HIVEP3: variants seen among roughly 807,000 people sequenced by gnomAD.
HIVEP3 encodes the protein HIVEP zinc finger 3.
HIVEP3 carries 49 observed loss-of-function variants against 152.8 expected under a neutral mutation model. The observed-to-expected ratio is 0.32, with a 90% CI of 0.26 to 0.41. The LOEUF (loss-of-function observed/expected upper bound fraction) is 0.41, where lower values mean the gene tolerates loss of function less well. HIVEP3 is among the 10% of genes least tolerant of loss of function. The probability of loss-of-function intolerance (pLI) is 1.00; values close to 1 mark genes in which losing one functional copy is unlikely to be tolerated. For synonymous variants in HIVEP3, 1,269 were observed against 1,289.0 expected (o/e 0.98, Z 0.33); for missense variants, 2,790 against 3,103.3 (o/e 0.90, Z 2.40).
intron 5 of HIVEP3, among the ~76,000 whole-genome samples, chr1:41,557,684 G>A (rs1643989009): frequency 6.6e-6 from 1 of 152,048 alleles, no homozygotes; most frequent in Non-Finnish European, 1.5e-5. Context: ...GGGGTGGGGG[G>A]CAGAGGGGCA....
intron 6 of HIVEP3, among the ~76,000 whole-genome samples, chr1:41,522,818 T>A (rs996456980): frequency 6.6e-6 from 1 of 152,208 alleles, no homozygotes; most frequent in African/African-American, 2.4e-5. Context: ...AGTGATGGTT[T>A]CCTGAGGCGA....
intron 1 of HIVEP3, among the ~76,000 whole-genome samples, chr1:41,799,941 C>T (rs1650208425): frequency 6.6e-6 from 1 of 152,076 alleles, no homozygotes; most frequent in Admixed American, 6.6e-5. Flanking sequence ...CAGCATTACT[C>T]AGGCCAATCA....
intron 5 of HIVEP3, among the ~76,000 whole-genome samples, chr1:41,545,056 T>TAC (rs1643704825): frequency 4.0e-5 from 1 of 25,260 alleles, no homozygotes. Flanking sequence ...ACCACCACCA[T>TAC]CACTACCACC....
At chr1:41,924,099 C>A (rs1182943441) in intron 1 of HIVEP3, among the ~76,000 whole-genome samples, 1 of 152,048 alleles carries the variant, frequency 6.6e-6, no homozygotes, top group African/African-American at 2.4e-5. Flanking sequence ...TCCAGGAGGG[C>A]CCTAAATGAA....
intron 1 of HIVEP3, among the ~76,000 whole-genome samples, chr1:41,755,208 T>C (rs1167337025): frequency 1.3e-5 from 2 of 152,122 alleles, no homozygotes; most frequent in African/African-American, 2.4e-5. Flanking sequence ...GAAGGAAGCA[T>C]AGTTTTTTTT....
intron 1 of HIVEP3, among the ~76,000 whole-genome samples, chr1:41,701,421 T>C (rs186098188): frequency 1.5e-4 from 23 of 152,350 alleles, no homozygotes; most frequent in African/African-American, 5.5e-4. Flanking sequence ...TAGGTGTTGG[T>C]ATCAGGTCCT....
chr1:41,710,401 C>T (rs1307065181), intron 1 of HIVEP3, among the ~76,000 whole-genome samples: 1 of 152,184 alleles, frequency 6.6e-6, no homozygotes, highest in Non-Finnish European at 1.5e-5. Flanking sequence ...GTCGCGCCAG[C>T]TCTGACATCC....
chr1:41,799,711 C>CA (rs974684051), intron 1 of HIVEP3, among the ~76,000 whole-genome samples: 6 of 151,876 alleles, frequency 4.0e-5, no homozygotes, highest in African/African-American at 1.5e-4. Flanking sequence ...TGCATGAGAT[C>CA]AAAAAAATCC....
At chr1:41,880,301 G>A (rs11210538) in intron 1 of HIVEP3, among the ~76,000 whole-genome samples, 42,528 of 151,886 alleles carry the variant, frequency 0.28, 6,552 homozygotes, top group East Asian at 0.53. Context: ...TCAGCCTCCC[G>A]AAGTGCTGGG....
At chr1:41,978,089 T>C (rs922665672) in intron 1 of HIVEP3, among the ~76,000 whole-genome samples, 1 of 152,220 alleles carries the variant, frequency 6.6e-6, no homozygotes, top group African/African-American at 2.4e-5. Flanking sequence ...CCCAAGTCTA[T>C]GTCTTTACTT....
At chr1:41,628,505 C>T (rs139657641) in intron 3 of HIVEP3, among the ~76,000 whole-genome samples, 20 of 152,182 alleles carry the variant, frequency 1.3e-4, no homozygotes, top group African/African-American at 4.1e-4. Context: ...TGGGAGGGGG[C>T]GGACTGCATT....
intron 1 of HIVEP3, among the ~76,000 whole-genome samples, chr1:41,724,065 C>A (rs1435569336): frequency 6.6e-6 from 1 of 152,168 alleles, no homozygotes; most frequent in Non-Finnish European, 1.5e-5. Context: ...ATAATAATAT[C>A]ATGAGGGGGG....
chr1:41,570,225 G>A (rs1287402377), intron 5 of HIVEP3, among the ~76,000 whole-genome samples: 3 of 152,340 alleles, frequency 2.0e-5, no homozygotes, highest in Non-Finnish European at 4.4e-5. Context: ...AAGATGGTGA[G>A]AAAGTGTAAC....
intron 2 of HIVEP3, among the ~76,000 whole-genome samples, chr1:41,651,607 T>C (rs1247898190): frequency 1.3e-5 from 2 of 152,204 alleles, no homozygotes; most frequent in African/African-American, 4.8e-5. Flanking sequence ...CCATTTTATA[T>C]AAAGGACTTG....
intron 1 of HIVEP3, among the ~76,000 whole-genome samples, chr1:41,937,968 T>TA (rs1434515381): frequency 9.8e-5 from 15 of 152,358 alleles, no homozygotes; most frequent in African/African-American, 3.6e-4. Context: ...CCATTGTTTT[T>TA]ATCTGTTAAC....
intron 1 of HIVEP3, among the ~76,000 whole-genome samples, chr1:42,027,731 C>T (rs1198293912): frequency 6.6e-6 from 1 of 152,112 alleles, no homozygotes; most frequent in African/African-American, 2.4e-5. Context: ...CTGGGGAGGC[C>T]TCAAAATCAT....
intron 5 of HIVEP3, among the ~76,000 whole-genome samples, chr1:41,552,879 C>T (rs1643911528): frequency 6.6e-6 from 1 of 152,178 alleles, no homozygotes; most frequent in South Asian, 2.1e-4. Context: ...GTTGTGATTT[C>T]TGTTCTTTTA....
At chr1:41,687,047 T>C (rs2124101240) in intron 2 of HIVEP3, among the ~76,000 whole-genome samples, 1 of 152,118 alleles carries the variant, frequency 6.6e-6, no homozygotes, top group South Asian at 2.1e-4. Flanking sequence ...GGTGCTGCCA[T>C]GTTAAGTAGG....
intron 1 of HIVEP3, among the ~76,000 whole-genome samples, chr1:41,871,729 A>T (rs1466278322): frequency 6.6e-6 from 1 of 152,240 alleles, no homozygotes; most frequent in Non-Finnish European, 1.5e-5. Flanking sequence ...CAATTAAATC[A>T]GTTCAAATGT....
Sources: gnomAD v4.1 joint callset for allele counts (sites outside exome capture counted in the v4.1 genomes callset) on GRCh38, gnomAD v4.1.1 for gene constraint, MANE v1.5 for transcripts, NCBI Gene and HGNC (gene_info 2026-07-23, HGNC 2026-07-21) for gene names.